The following MIPOL1 variants were observed in gnomAD, a reference collection of about 807,000 sequenced individuals.
MIPOL1 encodes the protein mirror-image polydactyly gene 1 protein.
A neutral mutation model predicts 60.9 loss-of-function variants in MIPOL1; 57 were observed. That is an observed-to-expected ratio of 0.94 (90% CI 0.76 to 1.17). The LOEUF (loss-of-function observed/expected upper bound fraction) is 1.17, where lower values mean the gene tolerates loss of function less well. MIPOL1 is among the 50% of genes most tolerant of loss of function. The probability of loss-of-function intolerance (pLI) is 0.00; values close to 1 mark genes in which losing one functional copy is unlikely to be tolerated. For synonymous variants in MIPOL1, 179 were observed against 168.8 expected, an observed-to-expected ratio of 1.06 and a Z score of -0.47; for missense variants, 551 against 511.6, an observed-to-expected ratio of 1.08 and a Z score of -0.74.
intron 11 of MIPOL1, among the ~76,000 whole-genome samples, chr14:37,464,013 C>G (rs571096509): frequency 6.6e-6 from 1 of 152,234 alleles, no homozygotes; most frequent in East Asian, 1.9e-4. Flanking sequence ...AAACAATACT[C>G]AAATCACTAA....
At chr14:37,278,757 C>T (rs538620748) in intron 6 of MIPOL1, 1 of 151,770 alleles carries the variant, frequency 6.6e-6, no homozygotes. Flanking sequence ...TACTGTCTCA[C>T]TCGTACTGTA....
chr14:37,464,071 C>G (rs776701531), intron 11 of MIPOL1, among the ~76,000 whole-genome samples: 4 of 152,172 alleles, frequency 2.6e-5, no homozygotes, highest in Non-Finnish European at 5.9e-5. Flanking sequence ...CCATCTCACA[C>G]CAGTCAGAAT....
rs751034925 is a variant in MIPOL1 at position 37,285,273 on chromosome 14, C to A, written c.494-45C>A. Reference sequence around the variant, plus strand: ...ATTTTTGCTAAAGGTATACATTTGTCCTTTATTTTGTATGATTGATTGTGC... The same window carrying A: ...ATTTTTGCTAAAGGTATACATTTGTACTTTATTTTGTATGATTGATTGTGC... On this transcript the variant is annotated intron_variant, in intron 6 of 12. Coordinates refer to ENST00000684589, the MANE Select transcript of MIPOL1 (RefSeq NM_001388067.1). The A allele has an allele frequency of 6.8e-6, 11 of 1,607,318 alleles. No homozygotes were observed. The South Asian group carries it at 1.2e-4, about 18-fold the overall frequency.
At chr14:37,470,458 A>G (rs752677040) in intron 11 of MIPOL1, among the ~76,000 whole-genome samples, 1 of 151,760 alleles carries the variant, frequency 6.6e-6, no homozygotes, top group African/African-American at 2.4e-5. Flanking sequence ...TTCTCATGAC[A>G]CCTGTTTGTT....
chr14:37,233,019 T>C (rs1156284275), intron 1 of MIPOL1, among the ~76,000 whole-genome samples: 1 of 152,236 alleles, frequency 6.6e-6, no homozygotes, highest in South Asian at 2.1e-4. Context: ...ATCCACTCCA[T>C]GCATGTATGG....
intron 12 of MIPOL1, among the ~76,000 whole-genome samples, chr14:37,508,806 T>A (rs1248709697): frequency 6.6e-6 from 1 of 152,222 alleles, no homozygotes; most frequent in African/African-American, 2.4e-5. Context: ...TATTGGTTCC[T>A]CTGCTCACGT....
rs2095554100 is a variant in MIPOL1, at chr14:37,548,600, C to T, written c.*1629C>T. 6.6e-6 allele frequency: 1 copy of T among 151,868 alleles called. No individual in the cohort carries two copies. The highest frequency in any genetic ancestry group is 1.5e-5 in the Non-Finnish European group (1 of 67,838). 9.4% of individuals were successfully genotyped at this position (151,868 alleles called of 1,614,324 possible). A position where few individuals can be genotyped will look rare whatever the true frequency, so the allele number is the denominator to read the frequency against. ...TCTATTTGAAACGTGTAACAGCTCC[C>T]TATGTGAAGAAACATTATCTTTAAA... is the stretch of plus-strand genomic sequence containing the variant. On this transcript the variant is annotated 3_prime_UTR_variant, in exon 13 of 13. Transcript: ENST00000684589.
At chr14:37,450,703 A>G (rs1007495284) in intron 11 of MIPOL1, among the ~76,000 whole-genome samples, 2 of 151,982 alleles carry the variant, frequency 1.3e-5, no homozygotes, top group African/African-American at 4.8e-5. Context: ...TTTCCCCTTG[A>G]TGTCTCTCTT....
At chr14:37,387,403 A>G (rs888550196) in intron 10 of MIPOL1, among the ~76,000 whole-genome samples, 1 of 151,940 alleles carries the variant, frequency 6.6e-6, no homozygotes, top group East Asian at 1.9e-4. Flanking sequence ...CAATAATTTT[A>G]TTTCAAGTGT....
In MIPOL1 at chr14:37,209,139, A is replaced by G. The variant is rs185257109; in HGVS notation, c.-199+11035A>G. ...TAGGAACTAATCCAGAGCTGATGTT[A>G]TATTTAGTTGTTATGTTTCCAGTGT... On this transcript the variant is annotated intron_variant, in intron 1 of 12. Coordinates refer to ENST00000684589, the MANE Select transcript of MIPOL1 (RefSeq NM_001388067.1). Among the ~76,000 whole-genome samples the G allele has an allele frequency of 2.0e-5, 3 of 152,096 alleles. No individual in the cohort carries two copies. In the East Asian group the frequency reaches 5.8e-4, roughly 29 times the overall value.
intron 1 of MIPOL1, among the ~76,000 whole-genome samples, chr14:37,202,164 A>G (rs1965443608): frequency 6.6e-6 from 1 of 152,148 alleles, no homozygotes; most frequent in African/African-American, 2.4e-5. Context: ...ATAGAAGTGA[A>G]TTTAGTGCAC....
At chr14:37,406,656 T>C (rs918688266) in intron 10 of MIPOL1, among the ~76,000 whole-genome samples, 1 of 152,170 alleles carries the variant, frequency 6.6e-6, no homozygotes, top group Non-Finnish European at 1.5e-5. Flanking sequence ...CATCTGATGC[T>C]TTAAGTATTT....
chr14:37,252,266 A>C (rs1394103300), intron 3 of MIPOL1, among the ~76,000 whole-genome samples: 1 of 151,892 alleles, frequency 6.6e-6, no homozygotes, highest in Non-Finnish European at 1.5e-5. Flanking sequence ...TTTAAGCTTA[A>C]AACATGATCA....
chr14:37,248,681 T>A (rs1973591210), intron 3 of MIPOL1, among the ~76,000 whole-genome samples: 1 of 148,420 alleles, frequency 6.7e-6, no homozygotes. Flanking sequence ...AATGCCAGAG[T>A]GAAAAAGAAA....
intron 1 of MIPOL1, among the ~76,000 whole-genome samples, chr14:37,242,655 C>T (rs942336656): frequency 6.6e-6 from 1 of 152,092 alleles, no homozygotes; most frequent in Admixed American, 6.5e-5. Context: ...CCTGTCCATC[C>T]ACCTGTCTGT....
At chr14:37,309,225 C>T (rs1395341502) in intron 9 of MIPOL1, among the ~76,000 whole-genome samples, 2 of 151,952 alleles carry the variant, frequency 1.3e-5, no homozygotes, top group Admixed American at 6.6e-5. Context: ...CCCTCGACCT[C>T]CCAAAGTGTT....
chr14:37,435,366 C>T (rs2094147732), intron 11 of MIPOL1, among the ~76,000 whole-genome samples: 1 of 152,136 alleles, frequency 6.6e-6, no homozygotes. Flanking sequence ...TGTTCAACTT[C>T]CTGCTTCAAT....
chr14:37,250,485 T>G (rs2153361838), intron 3 of MIPOL1, among the ~76,000 whole-genome samples: 1 of 152,234 alleles, frequency 6.6e-6, no homozygotes, highest in African/African-American at 2.4e-5. Flanking sequence ...TGGCGGAGGT[T>G]GTAGTGAGCA....
rs148196230 is a variant in MIPOL1, at chr14:37,453,986, T to C, written c.1031+31037T>C. ...AGTTTTTCCATGTGTGCGATTTAAA[T>C]AATCTGGTCATTTTTAGAGGGATAC... is the stretch of plus-strand genomic sequence containing the variant. On this transcript the variant is annotated intron_variant, in intron 11 of 12. Coordinates refer to ENST00000684589, the MANE Select transcript of MIPOL1 (RefSeq NM_001388067.1). 9.2e-5 allele frequency among the ~76,000 whole-genome samples: 14 copies of C among 152,338 alleles called. No individual in the cohort carries two copies. The East Asian group carries it at 2.5e-3, about 27-fold the overall frequency.
Sources: gnomAD v4.1 joint callset for allele counts (sites outside exome capture counted in the v4.1 genomes callset) on GRCh38, gnomAD v4.1.1 for gene constraint, MANE v1.5 for transcripts, NCBI Gene and HGNC (gene_info 2026-07-23, HGNC 2026-07-21) for gene names.